Variants in TNFRSF10B observed in about 807,000 individuals in gnomAD.
TNFRSF10B encodes TNF receptor superfamily member 10b, also known as tumor necrosis factor receptor superfamily member 10B.
In TNFRSF10B, 35 loss-of-function variants were observed where a neutral mutation model predicts 41.4. The ratio of observed to expected loss-of-function variants is 0.85; its 90% CI spans 0.65 to 1.12. The LOEUF is 1.12. Among genes scored for constraint, TNFRSF10B ranks in the 50% most tolerant of loss-of-function variants. The probability of loss-of-function intolerance (pLI) is 0.00; values close to 1 mark genes in which losing one functional copy is unlikely to be tolerated. For missense variants in TNFRSF10B, 584 were observed against 552.7 expected, an observed-to-expected ratio of 1.06 and a Z score of -0.57; for synonymous variants, 230 against 215.5, an observed-to-expected ratio of 1.07 and a Z score of -0.59.
intron 1 of TNFRSF10B, among the ~76,000 whole-genome samples, chr8:23,050,171 A>G (rs1196219631): frequency 6.6e-6 from 1 of 152,242 alleles, no homozygotes; most frequent in Non-Finnish European, 1.5e-5. Flanking sequence ...TGCCAAGGGA[A>G]GCAACAGGGC....
chr8:23,020,344 C>G lies in TNFRSF10B; in HGVS notation c.*2327G>C. ...ATTTGGCCTGGGGATATAGCAAAGC[C>G]TAATGTAACTAAACAACAAAACCCC... On this transcript the variant is annotated 3_prime_UTR_variant, in exon 9 of 9. Transcript: ENST00000276431. 3 of 454,082 alleles carry G rather than the reference C, an allele frequency of 6.6e-6. No homozygotes were observed. Among genetic ancestry groups the G allele is most frequent in the South Asian group, 3.1e-5 (2 of 64,480 alleles). 28.1% of individuals were successfully genotyped at this position (454,082 alleles called of 1,614,324 possible). A position where few individuals can be genotyped will look rare whatever the true frequency, so the allele number is the denominator to read the frequency against.
Position 23,028,361 on chromosome 8 carries a change from CT to C in TNFRSF10B, c.717del (p.Val240SerfsTer5). On this transcript the variant is annotated frameshift_variant, in exon 5 of 9. Transcript: ENST00000276431. LOFTEE classifies it high-confidence loss of function. ...CAGATGCCTTTCAGGTAAGGAAGGA[CT>C]TTCTTCCACAGTAAAGACTTGCAAA... Reference protein sequence around the residue: ...VFVCKSLLWKKVLPYLKGICS... With the variant: ...VFVCKSLLWKXVLPYLKGICS... 6.2e-7 allele frequency: 1 copy of C among 1,614,182 alleles called. No individual in the cohort carries two copies. Among genetic ancestry groups the C allele is most frequent in the South Asian group, 1.1e-5 (1 of 91,086 alleles).
At position 23,020,864 on chromosome 8, in the gene TNFRSF10B, G is replaced by A. The variant is rs747788415; in HGVS notation, c.*1807C>T. On this transcript the variant is annotated 3_prime_UTR_variant, in exon 9 of 9. Coordinates refer to ENST00000276431, the MANE Select transcript of TNFRSF10B (RefSeq NM_003842.5). The stretch of plus-strand genomic sequence containing the variant: ...AAGGCCCAGCAAAGGCAAAGACCAG[G>A]AGGCAGCAGCACCCTGTGCCTTCCA... 2.2e-6 allele frequency: 1 copy of A among 454,140 alleles called. No individual in the cohort carries two copies. Among genetic ancestry groups the A allele is most frequent in the Non-Finnish European group, 4.4e-6 (1 of 226,792 alleles). The allele number at this position is 454,140 out of a possible 1,614,324, so 28.1% of individuals were successfully genotyped here.
At position 23,020,348 on chromosome 8, in the gene TNFRSF10B, T is replaced by C. The variant is rs1811472708; in HGVS notation, c.*2323A>G. ...GGCCTGGGGATATAGCAAAGCCTAA[T>C]GTAACTAAACAACAAAACCCCCAAT... is the stretch of plus-strand genomic sequence containing the variant. On this transcript the variant is annotated 3_prime_UTR_variant, in exon 9 of 9. Coordinates refer to ENST00000276431, the MANE Select transcript of TNFRSF10B (RefSeq NM_003842.5). The C allele has an allele frequency of 2.2e-6, 1 of 453,974 alleles. No individual in the cohort carries two copies. The highest frequency in any genetic ancestry group is 2.4e-5 in the Admixed American group (1 of 42,542). The allele number at this position is 453,974 out of a possible 1,614,324, so 28.1% of individuals were successfully genotyped here. A position where few individuals can be genotyped will look rare whatever the true frequency, so the allele number is the denominator to read the frequency against.
At chr8:23,048,877 C>T (rs138400898) in intron 1 of TNFRSF10B, among the ~76,000 whole-genome samples, 175 of 152,276 alleles carry the variant, frequency 1.1e-3, no homozygotes, top group African/African-American at 4.0e-3. Flanking sequence ...GCTGAGATTA[C>T]AGGCATGAGC....
At chr8:23,025,865 C>T (rs1811688229) in intron 7 of TNFRSF10B, among the ~76,000 whole-genome samples, 1 of 152,164 alleles carries the variant, frequency 6.6e-6, no homozygotes, top group Non-Finnish European at 1.5e-5. Context: ...TGCCTGAGTT[C>T]AGGAGTTCGA....
intron 1 of TNFRSF10B, among the ~76,000 whole-genome samples, chr8:23,049,114 TG>T (rs1812447183): frequency 6.6e-6 from 1 of 152,024 alleles, no homozygotes; most frequent in Non-Finnish European, 1.5e-5. Context: ...GCCCTGTTGG[TG>T]GGAATGTAAA....
intron 1 of TNFRSF10B, among the ~76,000 whole-genome samples, chr8:23,046,396 A>T (rs148477465): frequency 2.0e-5 from 3 of 152,268 alleles, no homozygotes; most frequent in African/African-American, 7.2e-5. Flanking sequence ...CCTGTATGTT[A>T]AAAACCGTAA....
intron 2 of TNFRSF10B, among the ~76,000 whole-genome samples, chr8:23,039,549 G>A (rs970391602): frequency 6.6e-6 from 1 of 152,092 alleles, no homozygotes; most frequent in African/African-American, 2.4e-5. Flanking sequence ...AAAGCCCACT[G>A]ATTTAAATGT....
At chr8:23,053,544 A>G (rs188994005) in intron 1 of TNFRSF10B, among the ~76,000 whole-genome samples, 91 of 152,332 alleles carry the variant, frequency 6.0e-4, no homozygotes, top group African/African-American at 2.1e-3. Context: ...TTCTGTGTGT[A>G]AATGTATTGG....
intron 2 of TNFRSF10B, among the ~76,000 whole-genome samples, chr8:23,037,977 G>C (rs1283589130): frequency 3.3e-5 from 5 of 152,164 alleles, no homozygotes; most frequent in African/African-American, 1.2e-4. Flanking sequence ...TCCATGAGGA[G>C]ACACAACAGT....
At chr8:23,060,937 G>A (rs1008477019) in intron 1 of TNFRSF10B, among the ~76,000 whole-genome samples, 89 of 151,952 alleles carry the variant, frequency 5.9e-4, no homozygotes, top group African/African-American at 2.0e-3. Context: ...TTCATTGGTA[G>A]TGTATAGAAA....
intron 1 of TNFRSF10B, among the ~76,000 whole-genome samples, chr8:23,051,092 A>G (rs1490776295): frequency 6.6e-6 from 1 of 152,136 alleles, no homozygotes; most frequent in African/African-American, 2.4e-5. Context: ...ACGAATCTAT[A>G]AAATGTACTT....
chr8:23,043,214 T>C lies in TNFRSF10B; in HGVS notation c.174A>G (p.Gln58=). ...CTCTCTGCTGGGGAGCTAGGTCTTG[T>C]TGGGTGATCAGAGCAGACTCAGCTG... ...LVSAESALIT[Q]QDLAPQQRAA... Residue 58 remains glutamine, a synonymous_variant, in exon 2 of 9, where the codon CAA becomes CAG. Transcript: ENST00000276431. 6.2e-7 allele frequency: 1 copy of C among 1,614,104 alleles called. No homozygotes were observed. The highest frequency in any genetic ancestry group is 1.3e-5 in the African/African-American group (1 of 75,020).
chr8:23,021,389 G>A lies in TNFRSF10B; in HGVS notation c.*1282C>T, dbSNP rs763413579. The A allele has an allele frequency of 1.1e-5, 5 of 453,992 alleles. No homozygotes were observed. The highest frequency in any genetic ancestry group is 4.0e-5 in the African/African-American group (2 of 49,980). 28.1% of individuals were successfully genotyped at this position (453,992 alleles called of 1,614,324 possible). A position where few individuals can be genotyped will look rare whatever the true frequency, so the allele number is the denominator to read the frequency against. Reference sequence around the variant, plus strand: ...TGACAGATAACCAGAAGTGAGCCGGGCCATCTACTCCTGAGATGGCAACCA... The same window carrying A: ...TGACAGATAACCAGAAGTGAGCCGGACCATCTACTCCTGAGATGGCAACCA... On this transcript the variant is annotated 3_prime_UTR_variant, in exon 9 of 9. Coordinates refer to ENST00000276431, the MANE Select transcript of TNFRSF10B (RefSeq NM_003842.5).
At position 23,028,527 on chromosome 8, in the gene TNFRSF10B, A is replaced by G. The variant is rs886415934; in HGVS notation, c.552T>C (p.Gly184=). 1.2e-6 allele frequency: 2 copies of G among 1,613,914 alleles called. No homozygotes were observed. Among genetic ancestry groups the G allele is most frequent in the African/African-American group, 2.7e-5 (2 of 74,894 alleles). The change falls in exon 5 of 9, where the codon GGT becomes GGC. Residue 184 remains glycine (G), a synonymous_variant. Transcript: ENST00000276431. The stretch of plus-strand genomic sequence containing the variant: ...CTGGGACTTCCCCACTGTGCTTTGT[A>G]CCTGATTCTTTGTGGACACATTCGA... ...SDIECVHKES[G]TKHSGEVPAV...
Position 23,021,737 on chromosome 8 carries a change from A to T in TNFRSF10B, c.*934T>A. 2.2e-6 allele frequency: 1 copy of T among 454,142 alleles called. No individual in the cohort carries two copies. The allele number at this position is 454,142 out of a possible 1,614,324, so 28.1% of individuals were successfully genotyped here. ...TACTCATATACTTGTAAGGTTGTCC[A>T]GTTCAAAAGACTGGCCCCTGTAGAA... On this transcript the variant is annotated 3_prime_UTR_variant, in exon 9 of 9. Coordinates refer to ENST00000276431, the MANE Select transcript of TNFRSF10B (RefSeq NM_003842.5).
chr8:23,025,605 T>C (rs1456720612), intron 7 of TNFRSF10B, among the ~76,000 whole-genome samples: 1 of 152,226 alleles, frequency 6.6e-6, no homozygotes, highest in Non-Finnish European at 1.5e-5. Flanking sequence ...TACATATGCA[T>C]TTATGTACCT....
At chr8:23,030,093 AGG>A (rs1000957056) in intron 3 of TNFRSF10B, among the ~76,000 whole-genome samples, 28 of 152,134 alleles carry the variant, frequency 1.8e-4, no homozygotes, top group South Asian at 4.2e-4. Flanking sequence ...GCTGGGGAGG[AGG>A]GAGAGGCCTG....
Sources: gnomAD v4.1 joint callset for allele counts (sites outside exome capture counted in the v4.1 genomes callset) on GRCh38, gnomAD v4.1.1 for gene constraint, MANE v1.5 for transcripts, NCBI Gene and HGNC (gene_info 2026-07-23, HGNC 2026-07-21) for gene names.